Variants in NXF1 observed in about 807,000 individuals in gnomAD.
NXF1 encodes the protein nuclear RNA export factor 1, also known as mRNA export factor TAP.
A neutral mutation model predicts 92.4 loss-of-function variants in NXF1; 43 were observed. The ratio of observed to expected loss-of-function variants is 0.47; its 90% CI spans 0.36 to 0.60. The LOEUF (loss-of-function observed/expected upper bound fraction) is 0.60. Among genes scored for constraint, NXF1 ranks in the 20% least tolerant of loss-of-function variants. The probability of loss-of-function intolerance (pLI) is 0.00; values close to 1 mark genes in which losing one functional copy is unlikely to be tolerated. For synonymous variants in NXF1, 288 were observed against 292.2 expected (o/e 0.99, Z 0.15); for missense variants, 576 against 793.0 (o/e 0.73, Z 3.29).
intron 1 of NXF1, 182 bp from the exon 2 acceptor site, chr11:62,804,160 G>A: frequency 1.3e-6 from 2 of 1,535,664 alleles, no homozygotes; most frequent in Non-Finnish European, 1.7e-6. Context: ...GGCAGCATCA[G>A]GGAAAAGTTA....
chr11:62,805,428 TCAGGA>T lies in NXF1; in HGVS notation c.-77_-73del. 1 of 1,601,718 alleles carries T rather than the reference TCAGGA, an allele frequency of 6.2e-7. No homozygotes were observed. Among genetic ancestry groups the T allele is most frequent in the East Asian group, 2.3e-5 (1 of 44,018 alleles). ...GGCAAACAACCTAACTCCCAAGCGC[TCAGGA>T]CCGAAGTGTCCCTACGCCGGGCGCC... On this transcript the variant is annotated 5_prime_UTR_variant, in exon 1 of 21. Transcript: ENST00000294172.
At chr11:62,799,240 GACACCCT>G in intron 10 of NXF1, 1 of 891,074 alleles carries the variant, frequency 1.1e-6, no homozygotes, top group Non-Finnish European at 1.3e-6. Flanking sequence ...AAGGGAGAAA[GACACCCT>G]GACACAGCCC....
chr11:62,800,515 GA>G, intron 9 of NXF1, 29 bp from the exon 10 acceptor site: 2 of 1,559,514 alleles, frequency 1.3e-6, no homozygotes, highest in South Asian at 2.3e-5. Context: ...ACAAAGGGAG[GA>G]GACCCTGGTG....
intron 20 of NXF1, 56 bp from the exon 21 acceptor site, chr11:62,792,570 C>T: frequency 5.6e-6 from 9 of 1,612,544 alleles, no homozygotes; most frequent in Non-Finnish European, 7.6e-6. Context: ...TCAGCAACCC[C>T]ACTCAGCTAA....
At chr11:62,795,125 G>A (rs1040223916) in intron 17 of NXF1, 118 bp from the exon 18 acceptor site, 2 of 930,726 alleles carry the variant, frequency 2.1e-6, no homozygotes, top group Admixed American at 2.1e-5. Context: ...GAATGATTAA[G>A]TATATAAGGG....
At position 62,801,808 on chromosome 11, in the gene NXF1, G is replaced by A. The variant is rs780994986; in HGVS notation, c.570C>T (p.Ile190=). 2 of 1,613,622 alleles carry A rather than the reference G, an allele frequency of 1.2e-6. No individual in the cohort carries two copies. Among genetic ancestry groups the A allele is most frequent in the Non-Finnish European group, 1.7e-6 (2 of 1,179,644 alleles). ...LDRENRRISI[I]INSSAPPHTI... ...TGTGGGGTGGAGCAGAAGAGTTGAT[G>A]ATGATAGATATCTGGAGGGAAGACA... The change falls in exon 6 of 21, where the codon ATC becomes ATT. Residue 190 remains isoleucine (I), a synonymous_variant. Coordinates refer to ENST00000294172, the MANE Select transcript of NXF1 (RefSeq NM_006362.5).
At chr11:62,805,286 GC>G (rs778903527) in intron 1 of NXF1, 42 bp downstream of exon 1, 1 of 1,577,924 alleles carries the variant, frequency 6.3e-7, no homozygotes, top group East Asian at 2.5e-5. Flanking sequence ...CCGCCCACCC[GC>G]GCCCCAGATA....
In NXF1 at chr11:62,794,925, G is replaced by A; in HGVS notation, c.1577+10C>T. 6.2e-7 allele frequency: 1 copy of A among 1,613,780 alleles called. No homozygotes were observed. The highest frequency in any genetic ancestry group is 8.5e-7 in the Non-Finnish European group (1 of 1,179,644). ...GGACTGGTATCCAATGCGAAAAGCA[G>A]AATACTTACCCTGAATTGCTAGCAG... On this transcript the variant is annotated intron_variant, in intron 18 of 20. Transcript: ENST00000294172.
At position 62,797,175 on chromosome 11, in the gene NXF1, A is replaced by C; in HGVS notation, c.1178+8T>G. On this transcript the variant is annotated splice_region_variant and intron_variant, in intron 13 of 20. Transcript: ENST00000294172. Reference sequence around the variant, plus strand: ...CGGGGTGGGGAGGGGGGACCCTGGGATACTTACTGTTGCAGGAAGTGCAAG... The same window carrying C: ...CGGGGTGGGGAGGGGGGACCCTGGGCTACTTACTGTTGCAGGAAGTGCAAG... The C allele has an allele frequency of 6.2e-7, 1 of 1,613,690 alleles. No individual in the cohort carries two copies. Among genetic ancestry groups the C allele is most frequent in the Non-Finnish European group, 8.5e-7 (1 of 1,179,752 alleles).
In NXF1 at chr11:62,794,860, G is replaced by A. The variant is rs991979862; in HGVS notation, c.1577+75C>T. 3.6e-6 allele frequency: 5 copies of A among 1,382,224 alleles called. No individual in the cohort carries two copies. In the African/African-American group the frequency reaches 5.7e-5, roughly 16 times the overall value. 85.6% of individuals were successfully genotyped at this position (1,382,224 alleles called of 1,614,324 possible). The stretch of plus-strand genomic sequence containing the variant: ...CCTTTCTGAAATCACCCCAAAGACT[G>A]ACTCTACCCTCCAATTACCACACTG... On this transcript the variant is annotated intron_variant, in intron 18 of 20. Transcript: ENST00000294172.
chr11:62,803,519 T>G lies in NXF1; in HGVS notation c.269A>C (p.Asp90Ala), dbSNP rs1590955471. Residue 90 changes from aspartate (D) to alanine (A), a missense_variant, in exon 3 of 21, where the codon GAT becomes GCT. Asp to Ala is a moderately radical substitution (Grantham distance 126). Transcript: ENST00000294172. ...NRRGDTWHDRDRIHVTVRRDR... is the reference protein window; with the variant it reads ...NRRGDTWHDRARIHVTVRRDR... Reference sequence around the variant, plus strand: ...TCTCCGCACAGTAACATGAATGCGATCTCGATCATGCCAAGTATCACCCCG... The same window carrying G: ...TCTCCGCACAGTAACATGAATGCGAGCTCGATCATGCCAAGTATCACCCCG... 1 of 1,613,930 alleles carries G rather than the reference T, an allele frequency of 6.2e-7. No homozygotes were observed. The highest frequency in any genetic ancestry group is 1.3e-5 in the African/African-American group (1 of 74,894).
At chr11:62,802,137 C>A in intron 4 of NXF1, 40 bp downstream of exon 4, 1 of 1,608,970 alleles carries the variant, frequency 6.2e-7, no homozygotes, top group Non-Finnish European at 8.5e-7. Flanking sequence ...CTTCACCATC[C>A]CTGGTGCCTG....
intron 18 of NXF1, 45 bp downstream of exon 18, chr11:62,794,890 C>A: frequency 6.4e-7 from 1 of 1,556,020 alleles, no homozygotes; most frequent in Non-Finnish European, 8.9e-7. Context: ...ACACTGTTGG[C>A]CATGGATTAG....
chr11:62,797,265 T>C (rs751428833), intron 12 of NXF1, 27 bp from the exon 13 acceptor site: 4 of 1,614,034 alleles, frequency 2.5e-6, no homozygotes, highest in African/African-American at 1.3e-5. Context: ...ATTAGGAACA[T>C]GGAAGCAGTA....
rs376724883 is a variant in NXF1 at position 62,805,400 on chromosome 11, G to A, written c.-44C>T. The A allele has an allele frequency of 4.9e-5, 79 of 1,608,820 alleles. No individual in the cohort carries two copies. Among genetic ancestry groups the A allele is most frequent in the Non-Finnish European group, 6.4e-5 (75 of 1,177,856 alleles). On this transcript the variant is annotated 5_prime_UTR_variant, in exon 1 of 21. Coordinates refer to ENST00000294172, the MANE Select transcript of NXF1 (RefSeq NM_006362.5). Reference sequence around the variant, plus strand: ...GGCGGGCTCAGGCGCTGGCCGCTACGCCGGCAAACAACCTAACTCCCAAGC... The same window carrying A: ...GGCGGGCTCAGGCGCTGGCCGCTACACCGGCAAACAACCTAACTCCCAAGC...
At chr11:62,793,652 G>A (rs1193516170) in intron 19 of NXF1, among the ~76,000 whole-genome samples, 1 of 151,702 alleles carries the variant, frequency 6.6e-6, no homozygotes, top group Non-Finnish European at 1.5e-5. Context: ...ACTCCAGCCT[G>A]GGCATCAGAG....
intron 19 of NXF1, 164 bp from the exon 20 acceptor site, chr11:62,792,865 C>A: frequency 1.6e-6 from 1 of 620,156 alleles, no homozygotes; most frequent in East Asian, 2.8e-5. Flanking sequence ...AGATGTTCTA[C>A]CAATGGCTTC....
intron 13 of NXF1, 139 bp downstream of exon 13, chr11:62,797,044 G>C: frequency 1.3e-6 from 1 of 743,748 alleles, no homozygotes; most frequent in Non-Finnish European, 2.2e-6. Flanking sequence ...CTCCAGCCTG[G>C]GTGACACAGT....
intron 19 of NXF1, among the ~76,000 whole-genome samples, chr11:62,793,362 C>G (rs913431019): frequency 4.6e-5 from 7 of 152,148 alleles, no homozygotes; most frequent in African/African-American, 1.7e-4. Context: ...CAGGTGTGAG[C>G]CACCTCTCCC....
Sources: gnomAD v4.1 joint callset for allele counts (sites outside exome capture counted in the v4.1 genomes callset) on GRCh38, gnomAD v4.1.1 for gene constraint, MANE v1.5 for transcripts, NCBI Gene and HGNC (gene_info 2026-07-23, HGNC 2026-07-21) for gene names.